The following RASA3 variants were observed in gnomAD, a reference collection of about 807,000 sequenced individuals.
RASA3 encodes the protein RAS p21 protein activator 3, also known as ras GTPase-activating protein 3.
RASA3 carries 73 observed loss-of-function variants against 110.0 expected under a neutral mutation model. The observed-to-expected ratio is 0.66, with a 90% confidence interval of 0.55 to 0.81. The LOEUF (loss-of-function observed/expected upper bound fraction) is 0.81, where lower values mean the gene tolerates loss of function less well. Among genes scored for constraint, RASA3 ranks in the 30% least tolerant of loss-of-function variants. RASA3 has a pLI of 0.00. For missense variants in RASA3, 976 were observed against 1,113.2 expected, an observed-to-expected ratio of 0.88 and a Z score of 1.75; for synonymous variants, 500 against 451.4, an observed-to-expected ratio of 1.11 and a Z score of -1.37.
intron 21 of RASA3, among the ~76,000 whole-genome samples, chr13:113,994,671 A>G (rs1437282198): frequency 6.6e-6 from 1 of 152,156 alleles, no homozygotes; most frequent in East Asian, 1.9e-4. Flanking sequence ...CCGTCTCTAC[A>G]AAAAACCAAA....
intron 18 of RASA3, among the ~76,000 whole-genome samples, chr13:114,001,954 C>T (rs9562074): frequency 0.7 from 106,782 of 152,284 alleles, 38,182 homozygotes; most frequent in African/African-American, 0.85. Flanking sequence ...AGGATGGCCA[C>T]CGAGGATGCA....
chr13:114,042,578 C>T (rs1434773712), intron 3 of RASA3, among the ~76,000 whole-genome samples: 1 of 152,264 alleles, frequency 6.6e-6, no homozygotes. Context: ...GCCACAGGGT[C>T]TGAGCACATT....
chr13:114,038,860 C>T (rs1003785860), intron 4 of RASA3, among the ~76,000 whole-genome samples: 1 of 152,228 alleles, frequency 6.6e-6, no homozygotes, highest in African/African-American at 2.4e-5. Context: ...GGGCACAGAG[C>T]CTCCATCCGA....
At chr13:114,079,910 G>C (rs1301781371) in intron 1 of RASA3, among the ~76,000 whole-genome samples, 2 of 152,316 alleles carry the variant, frequency 1.3e-5, no homozygotes, top group Admixed American at 1.3e-4. Context: ...GCCATAAGAG[G>C]AAGAGGCGGG....
chr13:114,005,890 C>T (rs2053509279), intron 18 of RASA3, among the ~76,000 whole-genome samples: 1 of 58,312 alleles, frequency 1.7e-5, no homozygotes, highest in Non-Finnish European at 3.0e-5. Flanking sequence ...CCCTTCTCCC[C>T]CCTCCTGCCC....
intron 1 of RASA3, among the ~76,000 whole-genome samples, chr13:114,102,768 G>A (rs992113963): frequency 6.6e-6 from 1 of 152,180 alleles, no homozygotes; most frequent in Non-Finnish European, 1.5e-5. Context: ...TCTGTCCTAT[G>A]GTCTCCGGGG....
chr13:114,128,818 G>A lies in RASA3; in HGVS notation c.55+3617C>T, dbSNP rs570832478. On this transcript the variant is annotated intron_variant, in intron 1 of 23. Transcript: ENST00000334062. ...CAGGAAGCCCCAGCGGGGAGCCCAC[G>A]GCAGGCCCGGCCTCCCACGGACGGC... 7.2e-5 allele frequency among the ~76,000 whole-genome samples: 11 copies of A among 152,334 alleles called. No homozygotes were observed. The South Asian group carries it at 2.1e-3, about 29-fold the overall frequency.
chr13:114,043,373 G>C (rs1405950588), intron 3 of RASA3, among the ~76,000 whole-genome samples: 1 of 152,178 alleles, frequency 6.6e-6, no homozygotes, highest in Admixed American at 6.5e-5. Context: ...GATGTCCTCA[G>C]GGGAGCCGGC....
chr13:113,981,887 G>C, intron 22 of RASA3, 29 bp from the exon 23 acceptor site: 1 of 1,598,318 alleles, frequency 6.3e-7, no homozygotes, highest in Non-Finnish European at 8.5e-7. Flanking sequence ...TCAGCGCAGG[G>C]CAGGAGCCCA....
chr13:113,995,124 C>A (rs541546495), intron 21 of RASA3, among the ~76,000 whole-genome samples: 36 of 152,362 alleles, frequency 2.4e-4, no homozygotes, highest in African/African-American at 7.7e-4. Flanking sequence ...GCAAACTCGG[C>A]AGACGTGTTC....
chr13:113,982,269 C>G (rs1394186421), intron 22 of RASA3, among the ~76,000 whole-genome samples: 1 of 152,226 alleles, frequency 6.6e-6, no homozygotes, highest in African/African-American at 2.4e-5. Flanking sequence ...CCTGGGGCAG[C>G]CCTGAAGAGT....
At chr13:113,996,395 T>C (rs971759036) in intron 21 of RASA3, 136 bp downstream of exon 21, 26 of 910,844 alleles carry the variant, frequency 2.9e-5, no homozygotes, top group Admixed American at 2.4e-4. Context: ...GGGAGGCTCC[T>C]GGGAGGAGGC....
Position 114,057,406 on chromosome 13 carries a change from C to T in RASA3, c.174-5251G>A, listed in dbSNP as rs1478028173. Reference sequence around the variant, plus strand: ...GGGCAGTGGGGTCCGGAGAGGCGGCCGTGCTACAGGCCTTGCACTCATTTT... The same window carrying T: ...GGGCAGTGGGGTCCGGAGAGGCGGCTGTGCTACAGGCCTTGCACTCATTTT... On this transcript the variant is annotated intron_variant, in intron 2 of 23. Transcript: ENST00000334062. The surrounding 1 kb of genome is among the most constrained non-coding windows in gnomAD (Gnocchi z 5.0). 1.2e-5 allele frequency: 12 copies of T among 985,204 alleles called. No homozygotes were observed. Among genetic ancestry groups the T allele is most frequent in the South Asian group, 9.4e-5 (2 of 21,288 alleles). The allele number at this position is 985,204 out of a possible 1,614,324, so 61.0% of individuals were successfully genotyped here.
At chr13:114,075,188 G>A (rs1369156358) in intron 1 of RASA3, among the ~76,000 whole-genome samples, 1 of 152,188 alleles carries the variant, frequency 6.6e-6, no homozygotes, top group South Asian at 2.1e-4. Flanking sequence ...AATCAAAAAC[G>A]GGAGCAGAGT....
chr13:114,031,116 T>TGTGC (rs139978427), intron 4 of RASA3, among the ~76,000 whole-genome samples: 1 of 15,306 alleles, frequency 6.5e-5, no homozygotes, highest in African/African-American at 9.5e-4. Flanking sequence ...TGTATCTGCT[T>TGTGC]GTATGTGTCC....
intron 2 of RASA3, 65 bp downstream of exon 2, chr13:114,073,655 C>T (rs1475187620): frequency 7.6e-7 from 1 of 1,307,908 alleles, no homozygotes; most frequent in African/African-American, 1.5e-5. Flanking sequence ...TGACGTACAC[C>T]CTTGGGACAT....
intron 1 of RASA3, among the ~76,000 whole-genome samples, chr13:114,087,689 G>A (rs117018722): frequency 0.11 from 16,152 of 152,242 alleles, 1,119 homozygotes; most frequent in Middle Eastern, 0.16. Flanking sequence ...GACGGCTCCC[G>A]GGGCCAGCAG....
intron 2 of RASA3, among the ~76,000 whole-genome samples, chr13:114,059,567 C>T (rs1020562288): frequency 4.8e-4 from 73 of 152,364 alleles, no homozygotes; most frequent in African/African-American, 1.3e-3. Flanking sequence ...CTCAGGACAC[C>T]GCCCTCTCCA....
intron 22 of RASA3, among the ~76,000 whole-genome samples, chr13:113,991,637 A>C (rs767416060): frequency 1.3e-5 from 2 of 152,254 alleles, no homozygotes; most frequent in African/African-American, 4.8e-5. Flanking sequence ...TCTGTAAAGC[A>C]ATTCAATGTC....
Sources: allele counts gnomAD v4.1 joint callset (sites outside exome capture counted in the v4.1 genomes callset), GRCh38; gene constraint gnomAD v4.1.1; non-coding constraint Gnocchi (gnomAD v3.1); transcripts MANE v1.5; gene names NCBI Gene and HGNC (gene_info 2026-07-23, HGNC 2026-07-21).